The following COG6 variants were observed in gnomAD, a reference collection of about 807,000 sequenced individuals.
COG6 encodes the protein conserved oligomeric Golgi complex subunit 6.
A neutral mutation model predicts 88.8 loss-of-function variants in COG6; 74 were observed. That is an observed-to-expected ratio of 0.83 (90% confidence interval 0.69 to 1.01). The LOEUF (loss-of-function observed/expected upper bound fraction) is 1.01. Ranked by LOEUF, COG6 falls within the 50% of genes least tolerant of loss-of-function variation. The pLI, the probability that COG6 is intolerant of heterozygous loss-of-function variation, is 0.00. For missense variants in COG6, 800 were observed against 797.9 expected (o/e 1.00, Z -0.03); for synonymous variants, 286 against 278.7 (o/e 1.03, Z -0.26).
intron 18 of COG6, chr13:39,785,608 G>A (rs1391536906): frequency 6.6e-6 from 1 of 152,172 alleles, no homozygotes; most frequent in African/African-American, 2.4e-5. Context: ...ATTGTTAACA[G>A]TGTCTACTTA....
chr13:39,776,137 T>C (rs527414050), intron 18 of COG6, among the ~76,000 whole-genome samples: 152 of 152,192 alleles, frequency 1.0e-3, no homozygotes, highest in African/African-American at 3.2e-3. Flanking sequence ...TTTTAAAAGA[T>C]AAAGAAAACA....
chr13:39,751,576 C>A lies in COG6; in HGVS notation c.*483C>A. On this transcript the variant is annotated 3_prime_UTR_variant, in exon 19 of 19. Transcript: ENST00000455146. ...TCTGAACCTAGCCTATGTCTCTGTC[C>A]CCAAAATAGCTGCCCTTAAAGAGTT... The A allele has an allele frequency of 1.6e-6, 2 of 1,286,938 alleles. No individual in the cohort carries two copies. Among genetic ancestry groups the A allele is most frequent in the Non-Finnish European group, 2.0e-6 (2 of 988,666 alleles). 79.7% of individuals were successfully genotyped at this position (1,286,938 alleles called of 1,614,324 possible).
chr13:39,743,206 G>C (rs1880144256), intron 18 of COG6, among the ~76,000 whole-genome samples: 1 of 152,060 alleles, frequency 6.6e-6, no homozygotes, highest in African/African-American at 2.4e-5. Flanking sequence ...AGAGAAGCAA[G>C]AGCAAACAAA....
downstream of COG6, among the ~76,000 whole-genome samples, chr13:39,754,328 A>C (rs1880762908): frequency 6.6e-6 from 1 of 152,216 alleles, no homozygotes. Context: ...AGCAGTGAGA[A>C]AATGAATGGT....
intron 12 of COG6, among the ~76,000 whole-genome samples, chr13:39,696,553 C>T (rs1379057298): frequency 6.6e-6 from 1 of 151,430 alleles, no homozygotes; most frequent in Non-Finnish European, 1.5e-5. Flanking sequence ...GGTGCTGAAG[C>T]TAGGAAAAGC....
intron 13 of COG6, among the ~76,000 whole-genome samples, chr13:39,711,844 A>C (rs189379517): frequency 1.3e-5 from 2 of 152,234 alleles, no homozygotes; most frequent in East Asian, 3.9e-4. Context: ...TGTACACATG[A>C]TGTGCATACA....
intron 11 of COG6, among the ~76,000 whole-genome samples, chr13:39,691,350 A>G (rs1203357191): frequency 6.6e-6 from 1 of 151,910 alleles, no homozygotes; most frequent in Non-Finnish European, 1.5e-5. Flanking sequence ...TCTTCCTTTA[A>G]TGTACATACC....
At chr13:39,666,392 TC>T (rs941458547) in intron 4 of COG6, among the ~76,000 whole-genome samples, 3 of 152,122 alleles carry the variant, frequency 2.0e-5, no homozygotes, top group Non-Finnish European at 4.4e-5. Context: ...CAGAAGGAGA[TC>T]CTGTCTCTAA....
At chr13:39,688,640 A>C (rs1018670726) in intron 10 of COG6, among the ~76,000 whole-genome samples, 1 of 152,156 alleles carries the variant, frequency 6.6e-6, no homozygotes. Context: ...TTACATTTCA[A>C]CTTGAATTTA....
intron 4 of COG6, among the ~76,000 whole-genome samples, chr13:39,672,053 C>G (rs1039005872): frequency 6.6e-6 from 1 of 151,916 alleles, no homozygotes; most frequent in Non-Finnish European, 1.5e-5. Flanking sequence ...GTTACTTTAA[C>G]ATTTTAAATA....
chr13:39,676,268 C>T lies in COG6; in HGVS notation c.429-1200C>T, dbSNP rs116267858. ...TAAATGGATTAAAGAGTAAACTATA[C>T]GACCCCAAGTTGTATAACTACCAGA... On this transcript the variant is annotated intron_variant, in intron 4 of 18. Coordinates refer to ENST00000455146, the MANE Select transcript of COG6 (RefSeq NM_020751.3). Among the ~76,000 whole-genome samples the T allele has an allele frequency of 8.2e-3, 1,251 of 151,980 alleles. 20 individuals carry two copies. Among genetic ancestry groups the T allele is most frequent in the African/African-American group, 0.028 (1,174 of 41,472 alleles).
intron 18 of COG6, among the ~76,000 whole-genome samples, chr13:39,781,711 C>T (rs1300808870): frequency 6.6e-6 from 1 of 152,144 alleles, no homozygotes; most frequent in Non-Finnish European, 1.5e-5. Context: ...AATATGTATG[C>T]ACTAGACACA....
chr13:39,657,879 T>C (rs888075761), intron 1 of COG6, among the ~76,000 whole-genome samples: 7 of 152,182 alleles, frequency 4.6e-5, no homozygotes, highest in African/African-American at 1.7e-4. Flanking sequence ...TGACATCTAC[T>C]GAGCTCCAGA....
chr13:39,679,249 A>T, intron 5 of COG6: 1 of 401,918 alleles, frequency 2.5e-6, no homozygotes, highest in Non-Finnish European at 4.6e-6. Flanking sequence ...TAGACTACGT[A>T]CACTTCTTGA....
At position 39,751,925 on chromosome 13, in the gene COG6, A is replaced by G; in HGVS notation, c.*832A>G. On this transcript the variant is annotated 3_prime_UTR_variant, in exon 19 of 19. Transcript: ENST00000455146. Reference sequence around the variant, plus strand: ...TCATACAATATGGGTCCTAAATCCAACCAACTACACATTTTATCTGGTGTT... The same window carrying G: ...TCATACAATATGGGTCCTAAATCCAGCCAACTACACATTTTATCTGGTGTT... 5.7e-6 allele frequency: 7 copies of G among 1,231,706 alleles called. No individual in the cohort carries two copies. Among genetic ancestry groups the G allele is most frequent in the Non-Finnish European group, 7.5e-6 (7 of 938,208 alleles). 76.3% of individuals were successfully genotyped at this position (1,231,706 alleles called of 1,614,324 possible).
At chr13:39,689,121 G>A (rs542772250) in intron 10 of COG6, among the ~76,000 whole-genome samples, 11 of 152,160 alleles carry the variant, frequency 7.2e-5, no homozygotes, top group Non-Finnish European at 1.6e-4. Context: ...CCTTAAAGAT[G>A]TTTTAGAAAA....
Position 39,752,199 on chromosome 13 carries a change from T to A in COG6, c.*1106T>A. ...CTATAAAAATGGGTAAGTCCCTAAATTACAAATGAGAAAATTGAAGCACAA... is the reference window on the plus strand; with the variant it reads ...CTATAAAAATGGGTAAGTCCCTAAAATACAAATGAGAAAATTGAAGCACAA... On this transcript the variant is annotated 3_prime_UTR_variant, in exon 19 of 19. Transcript: ENST00000455146. 8.9e-7 allele frequency: 1 copy of A among 1,121,064 alleles called. No homozygotes were observed. The highest frequency in any genetic ancestry group is 1.6e-5 in the South Asian group (1 of 63,804). 69.4% of individuals were successfully genotyped at this position (1,121,064 alleles called of 1,614,324 possible).
intron 18 of COG6, among the ~76,000 whole-genome samples, chr13:39,734,256 T>C (rs955016929): frequency 6.6e-6 from 1 of 152,130 alleles, no homozygotes; most frequent in Admixed American, 6.5e-5. Flanking sequence ...AGTTTCCTTT[T>C]AGTACTGCTT....
chr13:39,774,619 G>T (rs927417795), intron 18 of COG6, among the ~76,000 whole-genome samples: 3 of 151,358 alleles, frequency 2.0e-5, no homozygotes, highest in Non-Finnish European at 1.5e-5. Context: ...CTGTCACGCA[G>T]GCTGGAGTGC....
Sources: allele counts gnomAD v4.1 joint callset (sites outside exome capture counted in the v4.1 genomes callset), GRCh38; gene constraint gnomAD v4.1.1; transcripts MANE v1.5; gene names NCBI Gene and HGNC (gene_info 2026-07-23, HGNC 2026-07-21).